The following CTNNA2 variants were observed in gnomAD, a reference collection of about 807,000 sequenced individuals.
CTNNA2 encodes catenin alpha-2.
A neutral mutation model predicts 101.0 loss-of-function variants in CTNNA2; 42 were observed. The ratio of observed to expected loss-of-function variants is 0.42; its 90% confidence interval spans 0.32 to 0.54. CTNNA2 has a LOEUF of 0.54. Ranked by LOEUF, CTNNA2 falls within the 20% of genes least tolerant of loss-of-function variation. CTNNA2 has a pLI of 0.14. For synonymous variants in CTNNA2, 450 were observed against 456.4 expected (o/e 0.99, Z 0.18); for missense variants, 871 against 1,223.1 (o/e 0.71, Z 4.29).
intron 4 of CTNNA2, among the ~76,000 whole-genome samples, chr2:79,425,632 T>C (rs1291359662): frequency 2.6e-5 from 4 of 152,128 alleles, no homozygotes; most frequent in African/African-American, 9.7e-5. Context: ...TAATCACTTC[T>C]TAAAAGGCCC....
intron 7 of CTNNA2, among the ~76,000 whole-genome samples, chr2:80,032,111 A>AATGT (rs1422415243): frequency 6.6e-6 from 1 of 152,176 alleles, no homozygotes; most frequent in Non-Finnish European, 1.5e-5. Flanking sequence ...CTTTCATAAG[A>AATGT]ATGTATAAGG....
At chr2:79,539,788 C>T (rs1673297753) in intron 1 of CTNNA2, among the ~76,000 whole-genome samples, 1 of 151,998 alleles carries the variant, frequency 6.6e-6, no homozygotes, top group African/African-American at 2.4e-5. Flanking sequence ...TGAGGCTGAC[C>T]ACAACTGCAT....
At chr2:79,810,719 T>C (rs1369855412) in intron 3 of CTNNA2, among the ~76,000 whole-genome samples, 2 of 151,484 alleles carry the variant, frequency 1.3e-5, no homozygotes, top group African/African-American at 2.4e-5. Context: ...GATGTTCCCT[T>C]TCCTGTGTCC....
intron 14 of CTNNA2, among the ~76,000 whole-genome samples, chr2:80,584,596 G>A (rs1270627102): frequency 6.6e-6 from 1 of 151,854 alleles, no homozygotes; most frequent in Non-Finnish European, 1.5e-5. Flanking sequence ...CAATTGCTAG[G>A]CACTTAACCT....
At chr2:79,910,615 G>GA (rs1309612303) in intron 7 of CTNNA2, among the ~76,000 whole-genome samples, 2 of 152,182 alleles carry the variant, frequency 1.3e-5, no homozygotes, top group Non-Finnish European at 1.5e-5. Context: ...ACAAATTGGG[G>GA]AAAAATGTAG....
At position 79,817,699 on chromosome 2, in the gene CTNNA2, G is replaced by A. The variant is rs1042611657; in HGVS notation, c.299-40314G>A. Among the ~76,000 whole-genome samples, 3 of 152,156 alleles carry A rather than the reference G, an allele frequency of 2.0e-5. No individual in the cohort carries two copies. The South Asian group carries it at 6.2e-4, about 32-fold the overall frequency. On this transcript the variant is annotated intron_variant, in intron 3 of 18. Transcript: ENST00000402739. ...AACCTAGATCGAGAACACGAGAGTT[G>A]TGCCTTCAATGTGCATTTGATTTTG...
chr2:80,607,085 T>A (rs780455554), intron 16 of CTNNA2, among the ~76,000 whole-genome samples: 7 of 151,912 alleles, frequency 4.6e-5, no homozygotes, highest in Non-Finnish European at 7.4e-5. Context: ...AGTAGATGGT[T>A]ATATGTAATC....
rs1362116368 is a variant in CTNNA2, at chr2:80,419,593, C to T, written c.1282C>T (p.Leu428=). ...AGTTTTCCGTGAGCATGCCAACAAA[C>T]TGGTAGAGGTAAGTGTGGAGGGGCC... is the stretch of plus-strand genomic sequence containing the variant. The part of the protein sequence containing the change: ...AQVFREHANK[L]VEVANLACSI... The change falls in exon 9 of 19, where the codon CTG becomes TTG. Residue 428 remains leucine, a synonymous_variant. Transcript: ENST00000402739. 1 of 1,613,534 alleles carries T rather than the reference C, an allele frequency of 6.2e-7. No homozygotes were observed. Among genetic ancestry groups the T allele is most frequent in the South Asian group, 1.1e-5 (1 of 91,044 alleles).
At chr2:79,439,539 C>A (rs74449365) in intron 4 of CTNNA2, among the ~76,000 whole-genome samples, 2,065 of 152,190 alleles carry the variant, frequency 0.014, 42 homozygotes, top group African/African-American at 0.042. Context: ...ACCAATGAAT[C>A]GTACGCTTTG....
intron 15 of CTNNA2, among the ~76,000 whole-genome samples, chr2:80,600,821 C>G (rs575345651): frequency 6.6e-6 from 1 of 152,236 alleles, no homozygotes; most frequent in South Asian, 2.1e-4. Context: ...GATCTACCAG[C>G]CTCTGCCTCC....
intron 3 of CTNNA2, among the ~76,000 whole-genome samples, chr2:79,750,275 T>G (rs1295593268): frequency 2.0e-5 from 3 of 152,200 alleles, no homozygotes; most frequent in Non-Finnish European, 4.4e-5. Context: ...TTCTCAAACT[T>G]TAGTGAATAC....
intron 1 of CTNNA2, among the ~76,000 whole-genome samples, chr2:79,537,572 T>A (rs1230598875): frequency 1.3e-5 from 2 of 152,166 alleles, no homozygotes; most frequent in African/African-American, 2.4e-5. Context: ...TAAGGTATTT[T>A]CCCCTTAGGA....
chr2:80,634,386 T>C (rs1672635839), intron 18 of CTNNA2, among the ~76,000 whole-genome samples: 2 of 152,090 alleles, frequency 1.3e-5, no homozygotes, highest in Non-Finnish European at 2.9e-5. Flanking sequence ...GGAAGAGTTT[T>C]CTAGGCAGAA....
At chr2:80,323,129 G>A (rs2149249416) in intron 7 of CTNNA2, among the ~76,000 whole-genome samples, 1 of 152,278 alleles carries the variant, frequency 6.6e-6, no homozygotes, top group African/African-American at 2.4e-5. Context: ...ACTGCACACT[G>A]GTCGCACCTT....
At chr2:79,923,538 A>G (rs1595327) in intron 7 of CTNNA2, among the ~76,000 whole-genome samples, 16,644 of 152,120 alleles carry the variant, frequency 0.11, 1,176 homozygotes, top group East Asian at 0.26. Flanking sequence ...ATTACATCAA[A>G]CTAATTAACA....
intron 3 of CTNNA2, among the ~76,000 whole-genome samples, chr2:79,778,363 G>C (rs1042422348): frequency 6.6e-6 from 1 of 151,676 alleles, no homozygotes; most frequent in Non-Finnish European, 1.5e-5. Flanking sequence ...ATAAAAAAAG[G>C]CTTATTCATG....
intron 9 of CTNNA2, among the ~76,000 whole-genome samples, chr2:80,454,959 C>G (rs1210330888): frequency 6.6e-6 from 1 of 152,272 alleles, no homozygotes; most frequent in Non-Finnish European, 1.5e-5. Flanking sequence ...AATCAGAGCT[C>G]AGTCCCTTCT....
At chr2:80,087,469 G>C (rs1699515196) in intron 7 of CTNNA2, among the ~76,000 whole-genome samples, 1 of 152,020 alleles carries the variant, frequency 6.6e-6, no homozygotes, top group African/African-American at 2.4e-5. Context: ...CAGGTATGCA[G>C]GTCTGTGTAA....
intron 3 of CTNNA2, among the ~76,000 whole-genome samples, chr2:79,819,749 A>G (rs1475629655): frequency 1.3e-5 from 2 of 152,208 alleles, no homozygotes; most frequent in African/African-American, 4.8e-5. Flanking sequence ...AACTATAGTT[A>G]ACAATAATTG....
Sources: gnomAD v4.1 joint callset for allele counts (sites outside exome capture counted in the v4.1 genomes callset) on GRCh38, gnomAD v4.1.1 for gene constraint, MANE v1.5 for transcripts, NCBI Gene and HGNC (gene_info 2026-07-23, HGNC 2026-07-21) for gene names.